ADGRF5: variants seen among roughly 807,000 people sequenced by gnomAD.
ADGRF5 encodes the protein adhesion G protein-coupled receptor F5, also known as G-protein coupled receptor 116.
In ADGRF5, 75 loss-of-function variants were observed where a neutral mutation model predicts 132.3. The observed-to-expected ratio is 0.57, with a 90% CI of 0.47 to 0.69. The LOEUF is 0.69. Ranked by LOEUF, ADGRF5 falls within the 30% of genes least tolerant of loss-of-function variation. The pLI is 0.00. For synonymous variants in ADGRF5, 629 were observed against 597.6 expected (o/e 1.05, Z -0.77); for missense variants, 1,516 against 1,630.6 (o/e 0.93, Z 1.21).
At chr6:46,951,387 C>T (rs1778494642) in intron 1 of ADGRF5, among the ~76,000 whole-genome samples, 1 of 152,196 alleles carries the variant, frequency 6.6e-6, no homozygotes, top group African/African-American at 2.4e-5. Context: ...TCAGCCTAAA[C>T]CTGCTGGCTG....
At chr6:46,930,400 A>T (rs1203178863) in intron 1 of ADGRF5, among the ~76,000 whole-genome samples, 5 of 152,182 alleles carry the variant, frequency 3.3e-5, no homozygotes, top group Non-Finnish European at 5.9e-5. Flanking sequence ...TGAAATGTTT[A>T]CATATTGTTC....
chr6:46,929,534 A>G (rs1315432607), intron 1 of ADGRF5, among the ~76,000 whole-genome samples: 4 of 74,082 alleles, frequency 5.4e-5, no homozygotes, highest in Non-Finnish European at 5.1e-5. Context: ...GAAAGTAAAA[A>G]GATGAAAAAA....
At position 46,884,226 on chromosome 6, in the gene ADGRF5, CCTGT is replaced by C. The variant is rs764640788; in HGVS notation, c.370_373del (p.Thr124ValfsTer48). On this transcript the variant is annotated frameshift_variant, in exon 5 of 21. Transcript: ENST00000283296. LOFTEE classifies it high-confidence loss of function. ...ACACCTTTCCCGAGGCCACCCATAACCTGTCTCGCAGGAGCACCAGATTTCATTT... is the reference window on the plus strand; with the variant it reads ...ACACCTTTCCCGAGGCCACCCATAACCTCGCAGGAGCACCAGATTTCATTT... 1 of 1,614,080 alleles carries C rather than the reference CCTGT, an allele frequency of 6.2e-7. No homozygotes were observed. The highest frequency in any genetic ancestry group is 8.5e-7 in the Non-Finnish European group (1 of 1,179,918).
rs1769660726 is a variant in ADGRF5, at chr6:46,860,900, A to G, written c.2200-6T>C. ...GAGGGGCTCTTGATCAAAGCCTAGT[A>G]AAACAAAAGCCAACACAAAAAAAAA... On this transcript the variant is annotated splice_polypyrimidine_tract_variant and splice_region_variant and intron_variant, in intron 15 of 20. Transcript: ENST00000283296. 6 of 1,579,160 alleles carry G rather than the reference A, an allele frequency of 3.8e-6. No homozygotes were observed. In the East Asian group the frequency reaches 1.4e-4, roughly 36 times the overall value.
At chr6:46,953,420 G>A (rs992023846) in intron 1 of ADGRF5, among the ~76,000 whole-genome samples, 19 of 151,802 alleles carry the variant, frequency 1.3e-4, no homozygotes, top group African/African-American at 9.7e-5. Context: ...TCAGGAGTTC[G>A]AGACCAGCCT....
Position 46,932,119 on chromosome 6 carries a change from T to C in ADGRF5, c.-25+22615A>G, listed in dbSNP as rs1245160741. Among the ~76,000 whole-genome samples the C allele has an allele frequency of 4.6e-5, 7 of 152,318 alleles. No individual in the cohort carries two copies. In the South Asian group the frequency reaches 1.2e-3, roughly 27 times the overall value. On this transcript the variant is annotated intron_variant, in intron 1 of 20. Coordinates refer to the ADGRF5 transcript ENST00000265417. ...ACATAATGTGATTTAGTAGGCATAT[T>C]TTTTACCATGCAAGTTTCTGGATCC...
chr6:46,864,061 T>C (rs1770089415), intron 14 of ADGRF5, among the ~76,000 whole-genome samples: 1 of 152,206 alleles, frequency 6.6e-6, no homozygotes, highest in Non-Finnish European at 1.5e-5. Flanking sequence ...CCTTTGTCTA[T>C]CACAAGTCCT....
intron 10 of ADGRF5, among the ~76,000 whole-genome samples, chr6:46,876,200 A>G (rs960492808): frequency 1.3e-5 from 2 of 152,232 alleles, no homozygotes; most frequent in Admixed American, 1.3e-4. Context: ...GGCAGAGGCT[A>G]AATCCATCAG....
chr6:46,945,338 A>T (rs2150946346), intron 1 of ADGRF5, among the ~76,000 whole-genome samples: 1 of 152,366 alleles, frequency 6.6e-6, no homozygotes, highest in African/African-American at 2.4e-5. Flanking sequence ...TATTAAAATT[A>T]AAATGGATGA....
At chr6:46,926,542 T>G (rs1777255610), upstream of ADGRF5, among the ~76,000 whole-genome samples, 1 of 152,142 alleles carries the variant, frequency 6.6e-6, no homozygotes, top group Non-Finnish European at 1.5e-5. Context: ...CACTTCTTTC[T>G]TGACCCTTAT....
chr6:46,933,824 C>A (rs368926694), intron 1 of ADGRF5, among the ~76,000 whole-genome samples: 1 of 152,198 alleles, frequency 6.6e-6, no homozygotes, highest in African/African-American at 2.4e-5. Context: ...GTCTTCCTCT[C>A]AGGACCACTA....
chr6:46,952,826 A>C (rs1284856338), intron 1 of ADGRF5, among the ~76,000 whole-genome samples: 1 of 152,188 alleles, frequency 6.6e-6, no homozygotes, highest in African/African-American at 2.4e-5. Context: ...TATAGCAACT[A>C]TCACTTAATG....
Position 46,879,994 on chromosome 6 carries a change from T to G in ADGRF5, c.860A>C (p.Asp287Ala). 1 of 1,614,154 alleles carries G rather than the reference T, an allele frequency of 6.2e-7. No homozygotes were observed. The highest frequency in any genetic ancestry group is 1.1e-5 in the South Asian group (1 of 91,086). Residue 287 changes from aspartate to alanine, a missense_variant, in exon 9 of 21, where the codon GAC becomes GCC. By Grantham distance (126) the Asp-to-Ala change is moderately radical. Transcript: ENST00000283296. ...FVTPEIIFEG[D>A]TVSLVCEKEV... ...CTTTTCACACACCAGACTGACTGTG[T>G]CCCCTTCAAAGATGATTTCTGGTGT...
chr6:46,939,035 T>C (rs1777956658), intron 1 of ADGRF5, among the ~76,000 whole-genome samples: 1 of 152,076 alleles, frequency 6.6e-6, no homozygotes, highest in South Asian at 2.1e-4. Context: ...CACACTCAGC[T>C]AATTTTTGTA....
intron 11 of ADGRF5, among the ~76,000 whole-genome samples, chr6:46,871,525 A>G (rs1030603014): frequency 4.6e-5 from 7 of 152,244 alleles, no homozygotes; most frequent in South Asian, 4.1e-4. Context: ...TACACCTTCA[A>G]TGATAATAGG....
At chr6:46,889,072 T>C (rs904756654) in intron 3 of ADGRF5, among the ~76,000 whole-genome samples, 3 of 151,932 alleles carry the variant, frequency 2.0e-5, no homozygotes, top group African/African-American at 7.2e-5. Context: ...CTTCATTGTT[T>C]TTCCAAATTG....
intron 2 of ADGRF5, among the ~76,000 whole-genome samples, chr6:46,900,780 A>G (rs982318060): frequency 1.8e-4 from 28 of 152,216 alleles, no homozygotes; most frequent in African/African-American, 6.8e-4. Flanking sequence ...GTTTGTTATG[A>G]GAACTAAGCA....
intron 3 of ADGRF5, among the ~76,000 whole-genome samples, chr6:46,896,846 T>A (rs1212912123): frequency 6.6e-6 from 1 of 152,100 alleles, no homozygotes; most frequent in African/African-American, 2.4e-5. Context: ...ACAGCCTTTT[T>A]TTCATGTCAC....
chr6:46,931,248 C>T (rs1330666578), intron 1 of ADGRF5, among the ~76,000 whole-genome samples: 4 of 152,240 alleles, frequency 2.6e-5, no homozygotes, highest in South Asian at 2.1e-4. Flanking sequence ...TTTGACATTA[C>T]GTCTTTCTCT....
Sources: gnomAD v4.1 joint callset for allele counts (sites outside exome capture counted in the v4.1 genomes callset) on GRCh38, gnomAD v4.1.1 for gene constraint, MANE v1.5 for transcripts, NCBI Gene and HGNC (gene_info 2026-07-23, HGNC 2026-07-21) for gene names.